The following UNC13B variants were observed in gnomAD, a reference collection of about 807,000 sequenced individuals.
UNC13B encodes the protein protein unc-13 homolog B.
UNC13B carries 144 observed loss-of-function variants against 211.0 expected under a neutral mutation model. The ratio of observed to expected loss-of-function variants is 0.68; its 90% confidence interval spans 0.60 to 0.78. UNC13B has a LOEUF of 0.78. Among genes scored for constraint, UNC13B ranks in the 30% least tolerant of loss-of-function variants. UNC13B has a pLI of 0.00. For missense variants in UNC13B, 1,777 were observed against 2,002.0 expected (o/e 0.89, Z 2.14); for synonymous variants, 709 against 725.8 (o/e 0.98, Z 0.37).
At chr9:35,251,556 C>T (rs1346923984) in intron 6 of UNC13B, among the ~76,000 whole-genome samples, 1 of 152,088 alleles carries the variant, frequency 6.6e-6, no homozygotes, top group Non-Finnish European at 1.5e-5. Flanking sequence ...CACTGCACTC[C>T]AGGCTGAGTG....
At chr9:35,398,419 G>C (rs1836032253) in intron 31 of UNC13B, 131 bp downstream of exon 31, 1 of 1,359,832 alleles carries the variant, frequency 7.4e-7, no homozygotes, top group African/African-American at 1.4e-5. Context: ...CTTAATCTGA[G>C]GTAGGCATTC....
intron 26 of UNC13B, among the ~76,000 whole-genome samples, chr9:35,394,938 A>C (rs1835776131): frequency 6.6e-6 from 1 of 152,216 alleles, no homozygotes; most frequent in Admixed American, 6.5e-5. Context: ...AGAGAAAGTG[A>C]AAATTATATG....
rs569601816 is a variant in UNC13B at position 35,386,572 on chromosome 9, G to A, written c.11094+279G>A. ...ATGCACAGTTCAGGGGTTGAGTAGG[G>A]GAATTCTCAGTCCATCCCAGAGTCT... On this transcript the variant is annotated intron_variant, in intron 24 of 39. Coordinates refer to ENST00000635942, the MANE Select transcript of UNC13B (RefSeq NM_001371189.2). 1.7e-4 allele frequency among the ~76,000 whole-genome samples: 26 copies of A among 152,232 alleles called. 1 individual carries two copies. The highest frequency in any genetic ancestry group is 6.3e-4 in the African/African-American group (26 of 41,528).
In UNC13B at chr9:35,304,482, G is replaced by T. The variant is rs1224446951; in HGVS notation, c.5078G>T (p.Arg1693Ile). 2.5e-6 allele frequency: 1 copy of T among 398,492 alleles called. No homozygotes were observed. Among genetic ancestry groups the T allele is most frequent in the Non-Finnish European group, 4.4e-6 (1 of 225,854 alleles). The allele number at this position is 398,492 out of a possible 1,614,324, so 24.7% of individuals were successfully genotyped here. A position where few individuals can be genotyped will look rare whatever the true frequency, so the allele number is the denominator to read the frequency against. ...PQTISNHVSSRDQIIERDKNQ... is the reference protein window; with the variant it reads ...PQTISNHVSSIDQIIERDKNQ... ...ACTATTAGTAATCATGTCTCAAGCA[G>T]AGATCAAATTATAGAGAGAGATAAA... Residue 1693 changes from arginine (R) to isoleucine (I), a missense_variant, in exon 9 of 40, where the codon AGA becomes ATA. Coordinates refer to ENST00000635942, the MANE Select transcript of UNC13B (RefSeq NM_001371189.2).
Position 35,181,704 on chromosome 9 carries a change from G to C in UNC13B, c.22+19399G>C, listed in dbSNP as rs376020370. Reference sequence around the variant, plus strand: ...ATATAAAAATTAGCCTGGCATGGTGGTGCGGGCCTGTAGTTCCAGCTACTC... The same window carrying C: ...ATATAAAAATTAGCCTGGCATGGTGCTGCGGGCCTGTAGTTCCAGCTACTC... On this transcript the variant is annotated intron_variant, in intron 1 of 39. Coordinates refer to ENST00000635942, the MANE Select transcript of UNC13B (RefSeq NM_001371189.2). Among the ~76,000 whole-genome samples the C allele has an allele frequency of 5.9e-5, 9 of 152,108 alleles. No homozygotes were observed. In the East Asian group the frequency reaches 1.7e-3, roughly 29 times the overall value.
At chr9:35,384,861 T>G in intron 22 of UNC13B, 7 of 694,572 alleles carry the variant, frequency 1.0e-5, no homozygotes, top group Non-Finnish European at 1.1e-5. Context: ...TCTTAGTTCC[T>G]CCTATGTTAG....
intron 1 of UNC13B, among the ~76,000 whole-genome samples, chr9:35,221,095 A>G (rs1824541453): frequency 6.6e-6 from 1 of 152,006 alleles, no homozygotes. Flanking sequence ...TTGAGACGTT[A>G]TCTCACTCTG....
chr9:35,305,459 C>A lies in UNC13B; in HGVS notation c.6055C>A (p.Pro2019Thr), dbSNP rs1829878777. ...IKDEVRSSPTPMELASQGAGN... is the reference protein window; with the variant it reads ...IKDEVRSSPTTMELASQGAGN... ...GGATGAGGTCAGGTCAAGTCCTACT[C>A]CTATGGAGCTAGCTAGCCAGGGTGC... The change falls in exon 9 of 40, where the codon CCT becomes ACT. Residue 2019 changes from proline to threonine, a missense_variant. By Grantham distance (38) the Pro-to-Thr change is conservative. Coordinates refer to ENST00000635942, the MANE Select transcript of UNC13B (RefSeq NM_001371189.2). The A allele has an allele frequency of 2.5e-6, 1 of 398,964 alleles. No individual in the cohort carries two copies. The highest frequency in any genetic ancestry group is 4.4e-5 in the Admixed American group (1 of 22,718). The allele number at this position is 398,964 out of a possible 1,614,324, so 24.7% of individuals were successfully genotyped here. A position where few individuals can be genotyped will look rare whatever the true frequency, so the allele number is the denominator to read the frequency against.
In UNC13B at chr9:35,403,515, C is replaced by T. The variant is rs1836469019; in HGVS notation, c.12653C>T (p.Pro4218Leu). 4 of 1,613,984 alleles carry T rather than the reference C, an allele frequency of 2.5e-6. No individual in the cohort carries two copies. In the Admixed American group the frequency reaches 5.0e-5, roughly 20 times the overall value. ...TTCGTGGAGGTGACTATGGTTGGCC[C>T]ACACCAAAGTGATAAGAAGAGGAAG... ...RPFVEVTMVG[P>L]HQSDKKRKFT... The change falls in exon 39 of 40, where the codon CCA becomes CTA. Residue 4218 changes from proline to leucine, a missense_variant. Physicochemically the swap from Pro to Leu is moderately conservative, Grantham distance 98. Transcript: ENST00000635942.
intron 1 of UNC13B, among the ~76,000 whole-genome samples, chr9:35,203,800 G>A (rs535154961): frequency 6.6e-5 from 10 of 152,350 alleles, no homozygotes; most frequent in African/African-American, 2.4e-4. Flanking sequence ...TGGGAAATTT[G>A]TAGCCTAGCC....
rs1829827693 is a variant in UNC13B, at chr9:35,304,378, A to C, written c.4974A>C (p.Gly1658=). 1 of 398,600 alleles carries C rather than the reference A, an allele frequency of 2.5e-6. No individual in the cohort carries two copies. Among genetic ancestry groups the C allele is most frequent in the African/African-American group, 2.1e-5 (1 of 48,586 alleles). 24.7% of individuals were successfully genotyped at this position (398,600 alleles called of 1,614,324 possible). A position where few individuals can be genotyped will look rare whatever the true frequency, so the allele number is the denominator to read the frequency against. ...FSGYNRQKFK[G]DFRSFKERPC... Reference sequence around the variant, plus strand: ...GCTATAATCGTCAAAAGTTTAAAGGAGACTTTAGATCTTTCAAAGAAAGGC... The same window carrying C: ...GCTATAATCGTCAAAAGTTTAAAGGCGACTTTAGATCTTTCAAAGAAAGGC... The change falls in exon 9 of 40, where the codon GGA becomes GGC. Residue 1658 remains glycine, a synonymous_variant. Coordinates refer to ENST00000635942, the MANE Select transcript of UNC13B (RefSeq NM_001371189.2).
intron 11 of UNC13B, chr9:35,351,415 A>G (rs1832712031): frequency 8.1e-7 from 1 of 1,230,480 alleles, no homozygotes; most frequent in Admixed American, 4.2e-5. Flanking sequence ...ATTGCTAGAA[A>G]CAAACTGAAA....
chr9:35,272,488 C>T (rs1827949904), intron 7 of UNC13B, among the ~76,000 whole-genome samples: 1 of 151,980 alleles, frequency 6.6e-6, no homozygotes, highest in Non-Finnish European at 1.5e-5. Flanking sequence ...GAACTCCTGA[C>T]CTCAAGTGAT....
chr9:35,255,043 T>TA (rs1826781627), intron 6 of UNC13B, among the ~76,000 whole-genome samples: 2 of 119,742 alleles, frequency 1.7e-5, no homozygotes, highest in Non-Finnish European at 3.3e-5. Context: ...ATATATATTA[T>TA]ATATAATATA....
At chr9:35,252,697 G>A (rs908359582) in intron 6 of UNC13B, among the ~76,000 whole-genome samples, 2 of 152,006 alleles carry the variant, frequency 1.3e-5, no homozygotes, top group East Asian at 1.9e-4. Flanking sequence ...TTGGGAGGCC[G>A]AGACGGGCGG....
intron 21 of UNC13B, 138 bp from the exon 22 acceptor site, chr9:35,384,108 A>C: frequency 7.4e-7 from 1 of 1,344,192 alleles, no homozygotes; most frequent in South Asian, 1.6e-5. Context: ...TGTTCTTCCC[A>C]TGGGCAGGGA....
At chr9:35,211,654 G>A (rs1423368593) in intron 1 of UNC13B, among the ~76,000 whole-genome samples, 1 of 152,094 alleles carries the variant, frequency 6.6e-6, no homozygotes, top group African/African-American at 2.4e-5. Flanking sequence ...GATAGATTCT[G>A]CCAAATTGCC....
chr9:35,377,616 C>A lies in UNC13B; in HGVS notation c.9984C>A (p.Ala3328=), dbSNP rs754317250. Residue 3328 remains alanine, a synonymous_variant, in exon 16 of 40, where the codon GCC becomes GCA. Coordinates refer to ENST00000635942, the MANE Select transcript of UNC13B (RefSeq NM_001371189.2). ...IRDVFTVNKA[A]HVQQMKTVKQ... is the part of the protein sequence containing the mutation. ...ACGTCTTCACAGTGAACAAAGCTGC[C>A]CATGTGCAGCAGATGAAAACAGTGA... 6.2e-7 allele frequency: 1 copy of A among 1,614,190 alleles called. No homozygotes were observed. The highest frequency in any genetic ancestry group is 1.1e-5 in the South Asian group (1 of 91,076).
At chr9:35,380,874 A>G (rs1834781750) in intron 18 of UNC13B, among the ~76,000 whole-genome samples, 1 of 152,090 alleles carries the variant, frequency 6.6e-6, no homozygotes, top group South Asian at 2.1e-4. Context: ...TCTTCATACT[A>G]GTGCTTTTGT....
Sources: gnomAD v4.1 joint callset for allele counts (sites outside exome capture counted in the v4.1 genomes callset) on GRCh38, gnomAD v4.1.1 for gene constraint, MANE v1.5 for transcripts, NCBI Gene and HGNC (gene_info 2026-07-23, HGNC 2026-07-21) for gene names.